Variants in BRIP1 observed in about 807,000 individuals in gnomAD.
The protein encoded by BRIP1 is Fanconi anemia group J protein.
A neutral mutation model predicts 119.7 loss-of-function variants in BRIP1; 88 were observed. The ratio of observed to expected loss-of-function variants is 0.74; its 90% CI spans 0.62 to 0.88. BRIP1 has a LOEUF of 0.88. BRIP1 is among the 40% of genes least tolerant of loss of function. The pLI is 0.00. For synonymous variants in BRIP1, 443 were observed against 496.5 expected, an observed-to-expected ratio of 0.89 and a Z score of 1.43; for missense variants, 1,259 against 1,455.4, an observed-to-expected ratio of 0.87 and a Z score of 2.20.
chr17:61,711,241 G>A (rs770667589), intron 17 of BRIP1, among the ~76,000 whole-genome samples: 1 of 151,952 alleles, frequency 6.6e-6, no homozygotes, highest in African/African-American at 2.4e-5. Flanking sequence ...TGAAATTCAA[G>A]GCATTGCTTA....
At chr17:61,811,390 A>G (rs926494279) in intron 6 of BRIP1, among the ~76,000 whole-genome samples, 3 of 151,508 alleles carry the variant, frequency 2.0e-5, no homozygotes, top group Non-Finnish European at 1.5e-5. Flanking sequence ...CGCCTGGCTA[A>G]TGTTGTGTTT....
Position 61,703,206 on chromosome 17 carries a change from G to A in BRIP1, c.2493-9694C>T, listed in dbSNP as rs2061643151. Among the ~76,000 whole-genome samples, 2 of 152,096 alleles carry A rather than the reference G, an allele frequency of 1.3e-5. No homozygotes were observed. The highest frequency in any genetic ancestry group is 4.1e-4 in the South Asian group (2 of 4,834). ...AGCCTCCCAAGTAGCTGGAATTACA[G>A]GTGTGCGCCACAACACCCACCTAAT... is the stretch of plus-strand genomic sequence containing the variant. On this transcript the variant is annotated intron_variant, in intron 17 of 19. Transcript: ENST00000259008. The surrounding 1 kb of genome is among the most constrained non-coding windows in gnomAD (Gnocchi z 5.0).
At position 61,730,207 on chromosome 17, in the gene BRIP1, G is replaced by A. The variant is rs1266144662; in HGVS notation, c.2379+12806C>T. 6.6e-6 allele frequency among the ~76,000 whole-genome samples: 1 copy of A among 152,048 alleles called. No homozygotes were observed. Among genetic ancestry groups the A allele is most frequent in the Non-Finnish European group, 1.5e-5 (1 of 68,002 alleles). Reference sequence around the variant, plus strand: ...AGGAAAGAGTGATGTTGTAAACATGGAACAGCAATATCTACTACAGTTTAT... The same window carrying A: ...AGGAAAGAGTGATGTTGTAAACATGAAACAGCAATATCTACTACAGTTTAT... On this transcript the variant is annotated intron_variant, in intron 16 of 19. Coordinates refer to ENST00000259008, the MANE Select transcript of BRIP1 (RefSeq NM_032043.3). This position sits in a 1 kb window ranked among gnomAD's most constrained non-coding sequence, Gnocchi z 4.3.
At position 61,743,611 on chromosome 17, in the gene BRIP1, GAT is replaced by G. The variant is rs2077016132; in HGVS notation, c.2258-479_2258-478del. ...AATATATACACCATAAAAAGATACTGATATGTTATATTACCTCTTTCTTGCAT... is the reference window on the plus strand; with the variant it reads ...AATATATACACCATAAAAAGATACTGATGTTATATTACCTCTTTCTTGCAT... On this transcript the variant is annotated intron_variant, in intron 15 of 19. Transcript: ENST00000259008. This position sits in a 1 kb window ranked among gnomAD's most constrained non-coding sequence, Gnocchi z 4.3. Among the ~76,000 whole-genome samples, 1 of 152,080 alleles carries G rather than the reference GAT, an allele frequency of 6.6e-6. No homozygotes were observed. Among genetic ancestry groups the G allele is most frequent in the Non-Finnish European group, 1.5e-5 (1 of 68,012 alleles).
At position 61,860,854 on chromosome 17, in the gene BRIP1, ACT is replaced by A. The variant is rs1433481889; in HGVS notation, c.93+591_93+592del. ...ATTAAAAATAATGCTAAGTTAAAAAACTCAAGTTCTGCATAAAAAGTAAGGTA... is the reference window on the plus strand; with the variant it reads ...ATTAAAAATAATGCTAAGTTAAAAAACAAGTTCTGCATAAAAAGTAAGGTA... On this transcript the variant is annotated intron_variant, in intron 2 of 19. Transcript: ENST00000259008. This position sits in a 1 kb window ranked among gnomAD's most constrained non-coding sequence, Gnocchi z 4.1. Among the ~76,000 whole-genome samples the A allele has an allele frequency of 1.3e-5, 2 of 152,120 alleles. No homozygotes were observed. Among genetic ancestry groups the A allele is most frequent in the African/African-American group, 4.8e-5 (2 of 41,424 alleles).
At chr17:61,694,419 G>C (rs2061493628) in intron 17 of BRIP1, among the ~76,000 whole-genome samples, 2 of 152,058 alleles carry the variant, frequency 1.3e-5, no homozygotes, top group Admixed American at 1.3e-4. Context: ...TCATTTCTCA[G>C]TACTTCATTT....
chr17:61,785,462 A>G (rs912549564), intron 10 of BRIP1, among the ~76,000 whole-genome samples: 6 of 152,226 alleles, frequency 3.9e-5, no homozygotes, highest in Non-Finnish European at 8.8e-5. Flanking sequence ...AATGTGTTCA[A>G]TGAAAATAAA....
In BRIP1 at chr17:61,822,278, C is replaced by T. The variant is rs191095912; in HGVS notation, c.628-13521G>A. Among the ~76,000 whole-genome samples the T allele has an allele frequency of 6.6e-5, 10 of 152,090 alleles. No homozygotes were observed. In the East Asian group the frequency reaches 1.7e-3, roughly 26 times the overall value. On this transcript the variant is annotated intron_variant, in intron 6 of 19. Coordinates refer to ENST00000259008, the MANE Select transcript of BRIP1 (RefSeq NM_032043.3). The surrounding 1 kb of genome is among the most constrained non-coding windows in gnomAD (Gnocchi z 4.4). ...TTGATGTTACTAGAATTTTTATAAG[C>T]AAATATCACTTTTATAAAAACAATT...
intron 10 of BRIP1, among the ~76,000 whole-genome samples, chr17:61,785,214 C>T (rs2145151738): frequency 6.6e-6 from 1 of 152,236 alleles, no homozygotes; most frequent in African/African-American, 2.4e-5. Flanking sequence ...AATAATATGA[C>T]TACATCACAA....
At position 61,793,596 on chromosome 17, in the gene BRIP1, C is replaced by A. The variant is rs748274524; in HGVS notation, c.1473+1G>T. On this transcript the variant is annotated splice_donor_variant, in intron 10 of 19. Transcript: ENST00000259008. LOFTEE classifies it high-confidence loss of function. This position sits in a 1 kb window ranked among gnomAD's most constrained non-coding sequence, Gnocchi z 5.2. ...TTTCACAGGTAGAAAAAATATCTTA[C>A]CTGCAAAATGGGAAAAGTAGCAGTG... 6.2e-7 allele frequency: 1 copy of A among 1,602,604 alleles called. No homozygotes were observed. Among genetic ancestry groups the A allele is most frequent in the Non-Finnish European group, 8.5e-7 (1 of 1,173,968 alleles).
Position 61,687,044 on chromosome 17 carries a change from T to C in BRIP1, c.2576-879A>G, listed in dbSNP as rs548952170. 1.6e-4 allele frequency among the ~76,000 whole-genome samples: 24 copies of C among 152,164 alleles called. No homozygotes were observed. The highest frequency in any genetic ancestry group is 3.4e-4 in the Non-Finnish European group (23 of 68,026). ...TTTTATTTTGTTCATTTGGGGAATA[T>C]GATTAGACCATAAAAATATGTGAAA... On this transcript the variant is annotated intron_variant, in intron 18 of 19. Coordinates refer to ENST00000259008, the MANE Select transcript of BRIP1 (RefSeq NM_032043.3). This position sits in a 1 kb window ranked among gnomAD's most constrained non-coding sequence, Gnocchi z 5.1.
Position 61,843,956 on chromosome 17 carries a change from G to A in BRIP1, c.627+3145C>T, listed in dbSNP as rs901450306. ...TATTTTTTTTTAGAGACAGGGTCTC[G>A]CTCTGTCACCCAGACTGGAGTACAG... On this transcript the variant is annotated intron_variant, in intron 6 of 19. Transcript: ENST00000259008. This position sits in a 1 kb window ranked among gnomAD's most constrained non-coding sequence, Gnocchi z 5.7. Among the ~76,000 whole-genome samples the A allele has an allele frequency of 1.3e-5, 2 of 150,880 alleles. No individual in the cohort carries two copies. Among genetic ancestry groups the A allele is most frequent in the Non-Finnish European group, 2.9e-5 (2 of 67,810 alleles).
At position 61,683,750 on chromosome 17, in the gene BRIP1, A is replaced by C. The variant is rs772709195; in HGVS notation, c.3296T>G (p.Leu1099Arg). The stretch of plus-strand genomic sequence containing the variant: ...TAGAGACAATTCAATGTCTGGATCC[A>C]GGGCTTCTTCAGAACAGAGCGGATG... ...SEHPLCSEEA[L>R]DPDIELSLVS... The change falls in exon 20 of 20, where the codon CTG becomes CGG. Residue 1099 changes from leucine to arginine, a missense_variant. By Grantham distance (102) the Leu-to-Arg change is moderately radical. Around this residue, in one of 3 missense-constraint regions of BRIP1, gnomAD observed 753 missense variants for 891.8 expected, o/e 0.84. Coordinates refer to ENST00000259008, the MANE Select transcript of BRIP1 (RefSeq NM_032043.3). This position sits in a 1 kb window ranked among gnomAD's most constrained non-coding sequence, Gnocchi z 4.7. 6 of 1,614,044 alleles carry C rather than the reference A, an allele frequency of 3.7e-6. No homozygotes were observed. In the African/African-American group the frequency reaches 4.0e-5, roughly 11 times the overall value.
rs1555615566 is a variant in BRIP1 at position 61,846,246 on chromosome 17, AAG to A, written c.627+853_627+854del. On this transcript the variant is annotated intron_variant, in intron 6 of 19. Coordinates refer to ENST00000259008, the MANE Select transcript of BRIP1 (RefSeq NM_032043.3). The surrounding 1 kb of genome is among the most constrained non-coding windows in gnomAD (Gnocchi z 4.3). ...ACATATAGAGAGAGAGAGAGAGAAA[AAG>A]AGAGAGAGAGAGAAAGAGAGAGAGA... Among the ~76,000 whole-genome samples, 2 of 124,816 alleles carry A rather than the reference AAG, an allele frequency of 1.6e-5. No homozygotes were observed. The highest frequency in any genetic ancestry group is 5.7e-5 in the African/African-American group (1 of 17,644). 81.9% of individuals were successfully genotyped at this position (124,816 alleles called of 152,430 possible). A position where few individuals can be genotyped will look rare whatever the true frequency, so the allele number is the denominator to read the frequency against.
At chr17:61,782,327 A>C (rs1402754522) in intron 11 of BRIP1, among the ~76,000 whole-genome samples, 3 of 144,262 alleles carry the variant, frequency 2.1e-5, no homozygotes, top group Non-Finnish European at 4.5e-5. Flanking sequence ...CTGAGCTTGC[A>C]GTGAGCCGAG....
intron 6 of BRIP1, among the ~76,000 whole-genome samples, chr17:61,835,482 G>T (rs2078557638): frequency 6.6e-6 from 1 of 152,016 alleles, no homozygotes; most frequent in South Asian, 2.1e-4. Context: ...AGAATAGGAG[G>T]AAGACAACAG....
chr17:61,839,516 T>G (rs16945670), intron 6 of BRIP1, among the ~76,000 whole-genome samples: 15,307 of 152,214 alleles, frequency 0.1, 965 homozygotes, highest in South Asian at 0.3. Flanking sequence ...GTTCTTTGCA[T>G]TGCAAAAGTG....
At position 61,742,389 on chromosome 17, in the gene BRIP1, G is replaced by A. The variant is rs2076997805; in HGVS notation, c.2379+624C>T. 6.6e-6 allele frequency among the ~76,000 whole-genome samples: 1 copy of A among 152,094 alleles called. No homozygotes were observed. ...AATTCCTTTGAAGAACTTTTCCTTT[G>A]CATTCACAATATGGCTAATTGGTTG... On this transcript the variant is annotated intron_variant, in intron 16 of 19. Coordinates refer to ENST00000259008, the MANE Select transcript of BRIP1 (RefSeq NM_032043.3). The surrounding 1 kb of genome is among the most constrained non-coding windows in gnomAD (Gnocchi z 4.7).
Position 61,860,011 on chromosome 17 carries a change from T to TCCAGGGAACACAACAATAGCAGAAGGAA in BRIP1, c.94-132_94-105dup. 1 of 772,724 alleles carries TCCAGGGAACACAACAATAGCAGAAGGAA rather than the reference T, an allele frequency of 1.3e-6. No individual in the cohort carries two copies. Among genetic ancestry groups the TCCAGGGAACACAACAATAGCAGAAGGAA allele is most frequent in the Admixed American group, 2.0e-5 (1 of 50,798 alleles). 47.9% of individuals were successfully genotyped at this position (772,724 alleles called of 1,614,324 possible). A position where few individuals can be genotyped will look rare whatever the true frequency, so the allele number is the denominator to read the frequency against. On this transcript the variant is annotated intron_variant, in intron 2 of 19. Transcript: ENST00000259008. This position sits in a 1 kb window ranked among gnomAD's most constrained non-coding sequence, Gnocchi z 4.1. ...ACAGCAAGGAAAAGTGAGATTGCACTCCAGGGAACACAACAATAGCAGAAG... is the reference window on the plus strand; with the variant it reads ...ACAGCAAGGAAAAGTGAGATTGCACTCCAGGGAACACAACAATAGCAGAAGGAACCAGGGAACACAACAATAGCAGAAG...
Sources: gnomAD v4.1 joint callset for allele counts (sites outside exome capture counted in the v4.1 genomes callset) on GRCh38, gnomAD v4.1.1 for gene constraint, gnomAD v4.1.1 regional missense constraint, Gnocchi (gnomAD v3.1) non-coding constraint, MANE v1.5 for transcripts, NCBI Gene and HGNC (gene_info 2026-07-23, HGNC 2026-07-21) for gene names.